Variants in TAF1 observed in about 807,000 individuals in gnomAD.
TAF1 encodes the protein TATA-box binding protein associated factor 1, also known as transcription initiation factor TFIID subunit 1.
A neutral mutation model predicts 138.5 loss-of-function variants in TAF1; 2 were observed. That is an observed-to-expected ratio of 0.01 (90% CI 0.01 to 0.05). The LOEUF (loss-of-function observed/expected upper bound fraction) is 0.05, where lower values mean the gene tolerates loss of function less well. TAF1 is among the 10% of genes least tolerant of loss of function. The pLI, the probability that TAF1 is intolerant of heterozygous loss-of-function variation, is 1.00. For synonymous variants in TAF1, 437 were observed against 503.2 expected (o/e 0.87, Z 1.76); for missense variants, 709 against 1,478.0 (o/e 0.48, Z 8.53).
intron 13 of TAF1, among the ~76,000 whole-genome samples, chrX:71,494,546 C>G (rs1225034047): frequency 8.9e-6 from 1 of 112,353 alleles, no homozygotes; most frequent in Non-Finnish European, 1.9e-5. Context: ...TCCAGTGTGG[C>G]CCAGGGAAGC....
At chrX:71,381,943 G>C in intron 9 of TAF1, 24 bp downstream of exon 9, 1 of 1,119,306 alleles carries the variant, frequency 8.9e-7, no homozygotes. Context: ...AGAGGCCAGT[G>C]TTTCTTCTCC....
At position 71,451,783 on chromosome X, in the gene TAF1, A is replaced by C. The variant is rs1355013068; in HGVS notation, c.4754-2387A>C. Reference sequence around the variant, plus strand: ...ACACAGCACATGTTTCAGAGAGCACAGGGTTGGGGGTAAGGTCATAGATCA... The same window carrying C: ...ACACAGCACATGTTTCAGAGAGCACCGGGTTGGGGGTAAGGTCATAGATCA... On this transcript the variant is annotated intron_variant, in intron 32 of 37. Transcript: ENST00000423759. 2.7e-5 allele frequency among the ~76,000 whole-genome samples: 3 copies of C among 110,952 alleles called. No homozygotes were observed. The East Asian group carries it at 8.5e-4, about 32-fold the overall frequency.
intron 28 of TAF1, among the ~76,000 whole-genome samples, chrX:71,417,353 A>T (rs757903564): frequency 4.1e-4 from 45 of 110,024 alleles, no homozygotes; most frequent in Admixed American, 1.5e-3. Context: ...TAATTATAAG[A>T]AATTTCTTGT....
chrX:71,391,739 G>C (rs1690809255), intron 18 of TAF1, among the ~76,000 whole-genome samples: 1 of 106,683 alleles, frequency 9.4e-6, no homozygotes, highest in Non-Finnish European at 1.9e-5. Context: ...CCATTCTCGT[G>C]CCTCAGCCTT....
At chrX:71,420,777 G>T (rs1335777309) in intron 28 of TAF1, among the ~76,000 whole-genome samples, 1 of 112,894 alleles carries the variant, frequency 8.9e-6, no homozygotes, top group Non-Finnish European at 1.9e-5. Context: ...CAAGGCCAGG[G>T]CGGCTCCTCT....
chrX:71,382,444 C>T, intron 9 of TAF1, 92 bp from the exon 10 acceptor site: 1 of 1,122,285 alleles, frequency 8.9e-7, no homozygotes, highest in African/African-American at 1.8e-5. Context: ...ACTGGAACAT[C>T]CGTCACCTTA....
rs2036327189 is a variant in TAF1, at chrX:71,421,217, G to A, written c.4385-92G>A. On this transcript the variant is annotated intron_variant, in intron 28 of 37. Coordinates refer to ENST00000423759, the MANE Select transcript of TAF1 (RefSeq NM_004606.5). ...TAGCCTGGTGCCTGACACATTTTAG[G>A]TTCTTAAGTAAGTGCATTAAAAGGA... 5 of 799,843 alleles carry A rather than the reference G, an allele frequency of 6.3e-6. No individual in the cohort carries two copies. In the South Asian group the frequency reaches 1.1e-4, roughly 18 times the overall value. 65.9% of individuals were successfully genotyped at this position (799,843 alleles called of 1,213,427 possible). A position where few individuals can be genotyped will look rare whatever the true frequency, so the allele number is the denominator to read the frequency against.
chrX:71,477,277 A>T (rs1237184585), intron 13 of TAF1, among the ~76,000 whole-genome samples: 4 of 111,177 alleles, frequency 3.6e-5, no homozygotes, highest in Admixed American at 9.6e-5. Flanking sequence ...AAGATAATTT[A>T]AAAAATTTTT....
chrX:71,482,074 G>A (rs192794488), intron 13 of TAF1, among the ~76,000 whole-genome samples: 28 of 111,810 alleles, frequency 2.5e-4, no homozygotes, highest in Non-Finnish European at 4.3e-4. Context: ...TTCGGCCTTC[G>A]TGCTTGTTGC....
At chrX:71,392,792 A>G (rs2034635137) in intron 19 of TAF1, 74 bp downstream of exon 19, 3 of 1,193,337 alleles carry the variant, frequency 2.5e-6, no homozygotes. Flanking sequence ...CTTGGAATGT[A>G]GTTAAGGTAG....
chrX:71,448,121 A>G (rs1457246308), intron 32 of TAF1, among the ~76,000 whole-genome samples: 1 of 111,783 alleles, frequency 8.9e-6, no homozygotes, highest in African/African-American at 3.3e-5. Context: ...TCATTCTAGA[A>G]ATTCTTTATA....
intron 32 of TAF1, among the ~76,000 whole-genome samples, chrX:71,439,639 C>T (rs140639535): frequency 0.013 from 1,499 of 112,141 alleles, 10 homozygotes; most frequent in African/African-American, 0.034. Context: ...TTACTTATTA[C>T]GCTGCTCTCA....
intron 13 of TAF1, among the ~76,000 whole-genome samples, chrX:71,474,094 A>G (rs1005164584): frequency 2.7e-5 from 3 of 110,922 alleles, no homozygotes; most frequent in African/African-American, 9.9e-5. Flanking sequence ...GTAGTGAGCC[A>G]AGATTGCACC....
intron 18 of TAF1, among the ~76,000 whole-genome samples, chrX:71,392,070 A>G (rs922156954): frequency 4.5e-5 from 5 of 111,884 alleles, no homozygotes; most frequent in Admixed American, 9.6e-5. Context: ...CAGAAATAGA[A>G]TGGACTTTGG....
In TAF1 at chrX:71,397,233, C is replaced by G. The variant is rs1215258401; in HGVS notation, c.3407-20C>G. On this transcript the variant is annotated intron_variant, in intron 22 of 37. Transcript: ENST00000423759. ...GGAGATAAGGGGAACGTTTGGAAAT[C>G]TTTTCTACCTACCTTGCAGCAGCAG... The G allele has an allele frequency of 8.3e-6, 10 of 1,202,809 alleles. No homozygotes were observed. In the Admixed American group the frequency reaches 2.2e-4, roughly 27 times the overall value.
intron 13 of TAF1, among the ~76,000 whole-genome samples, chrX:71,484,431 C>T (rs747107099): frequency 3.9e-4 from 42 of 108,820 alleles, no homozygotes; most frequent in Non-Finnish European, 7.2e-4. Flanking sequence ...CTCCCGGGTT[C>T]AAGTGATTCT....
Position 71,421,379 on chromosome X carries a change from A to G in TAF1, c.4452+3A>G, listed in dbSNP as rs2036334224. The stretch of plus-strand genomic sequence containing the variant: ...TCTGTGATGAAAAACTCAAAGAGGT[A>G]AGACAGTTAGAATGAGAGAAAGGCA... On this transcript the variant is annotated splice_donor_region_variant and intron_variant, in intron 29 of 37. Coordinates refer to ENST00000423759, the MANE Select transcript of TAF1 (RefSeq NM_004606.5). 1 of 1,173,849 alleles carries G rather than the reference A, an allele frequency of 8.5e-7. No homozygotes were observed. The highest frequency in any genetic ancestry group is 1.8e-5 in the South Asian group (1 of 55,615).
chrX:71,445,515 A>T (rs766376997), intron 32 of TAF1, among the ~76,000 whole-genome samples: 21 of 111,652 alleles, frequency 1.9e-4, no homozygotes, highest in South Asian at 7.5e-4. Flanking sequence ...TCCTTCCTCC[A>T]TTGAATTGCC....
At chrX:71,371,581 G>C (rs1325118433) in intron 3 of TAF1, among the ~76,000 whole-genome samples, 1 of 112,000 alleles carries the variant, frequency 8.9e-6, no homozygotes, top group Non-Finnish European at 1.9e-5. Flanking sequence ...ACCAAGGATA[G>C]AGCAATTTCA....
Sources: gnomAD v4.1 joint callset for allele counts (sites outside exome capture counted in the v4.1 genomes callset) on GRCh38, gnomAD v4.1.1 for gene constraint, MANE v1.5 for transcripts, NCBI Gene and HGNC (gene_info 2026-07-23, HGNC 2026-07-21) for gene names.